ERCC2: variants seen among roughly 807,000 people sequenced by gnomAD.
ERCC2 encodes general transcription and DNA repair factor IIH helicase subunit XPD.
A neutral mutation model predicts 99.4 loss-of-function variants in ERCC2; 90 were observed. The observed-to-expected ratio is 0.91, with a 90% confidence interval of 0.76 to 1.08. The LOEUF (loss-of-function observed/expected upper bound fraction) is 1.08, where lower values mean the gene tolerates loss of function less well. Ranked by LOEUF, ERCC2 falls within the 50% of genes least tolerant of loss-of-function variation. The pLI, the probability that ERCC2 is intolerant of heterozygous loss-of-function variation, is 0.00. For missense variants in ERCC2, 993 were observed against 1,038.1 expected (o/e 0.96, Z 0.60); for synonymous variants, 497 against 432.4 (o/e 1.15, Z -1.85).
rs768501003 is a variant in ERCC2, at chr19:45,351,238, C to T, written c.*391G>A. ...ACCTGGAGCTGGAGGGTGGATGTAA[C>T]ACTTGCCCCTCACCTCCCCTCCAAC... On this transcript the variant is annotated 3_prime_UTR_variant, in exon 23 of 23. Transcript: ENST00000391945. The T allele has an allele frequency of 2.5e-6, 4 of 1,585,110 alleles. No individual in the cohort carries two copies. Among genetic ancestry groups the T allele is most frequent in the South Asian group, 2.3e-5 (2 of 88,568 alleles).
At position 45,351,713 on chromosome 19, in the gene ERCC2, C is replaced by A; in HGVS notation, c.2199G>T (p.Gln733His). 6.2e-7 allele frequency: 1 copy of A among 1,613,814 alleles called. No individual in the cohort carries two copies. The highest frequency in any genetic ancestry group is 1.1e-5 in the South Asian group (1 of 91,084). Residue 733 changes from glutamine (Q) to histidine (H), a missense_variant, in exon 23 of 23, where the codon CAG becomes CAT. Gln to His is a conservative substitution (Grantham distance 24). Around this residue, in one of 3 missense-constraint regions of ERCC2, gnomAD observed 909 missense variants for 930.8 expected, o/e 0.98. Transcript: ENST00000391945. Reference sequence around the variant, plus strand: ...CCAGGCTGAGCAGGGACAGGCCCAGCTGATCCTCCTGCAGAGAACAGAGGA... The same window carrying A: ...CCAGGCTGAGCAGGGACAGGCCCAGATGATCCTCCTGCAGAGAACAGAGGA... ...QMAQPFHRED[Q>H]LGLSLLSLEQ... is the part of the protein sequence containing the mutation.
chr19:45,356,564 C>T (rs138501869), intron 15 of ERCC2, among the ~76,000 whole-genome samples: 194 of 152,322 alleles, frequency 1.3e-3, no homozygotes, highest in African/African-American at 4.3e-3. Context: ...AATCCCAGCA[C>T]TTCGGGAGGA....
chr19:45,355,532 C>G, intron 16 of ERCC2, 133 bp downstream of exon 16: 3 of 859,030 alleles, frequency 3.5e-6, no homozygotes, highest in Non-Finnish European at 5.9e-6. Flanking sequence ...GGACGTGTAC[C>G]ACGGGCAAGA....
At chr19:45,367,169 T>G (rs907177913) in intron 5 of ERCC2, among the ~76,000 whole-genome samples, 31 of 152,028 alleles carry the variant, frequency 2.0e-4, no homozygotes, top group African/African-American at 7.0e-4. Flanking sequence ...AAACACCGTC[T>G]CTACTAAAAA....
At chr19:45,366,250 C>T (rs1443408753) in intron 5 of ERCC2, among the ~76,000 whole-genome samples, 1 of 151,882 alleles carries the variant, frequency 6.6e-6, no homozygotes, top group Non-Finnish European at 1.5e-5. Context: ...TCAAGCGATT[C>T]TCCTGTCTCA....
At position 45,368,925 on chromosome 19, in the gene ERCC2, C is replaced by T; in HGVS notation, c.246+5G>A. 6.2e-7 allele frequency: 1 copy of T among 1,614,186 alleles called. No homozygotes were observed. Among genetic ancestry groups the T allele is most frequent in the Non-Finnish European group, 8.5e-7 (1 of 1,179,996 alleles). ...GCTGGAGCACCAGGATGAGTCCCAG[C>T]TTACCTTCTCAATCTCTGGCACAGT... On this transcript the variant is annotated splice_donor_5th_base_variant and intron_variant, in intron 4 of 22. Transcript: ENST00000391945.
Position 45,353,302 on chromosome 19 carries a change from C to T in ERCC2, c.1698G>A (p.Leu566=), listed in dbSNP as rs775843300. 38 of 1,613,954 alleles carry T rather than the reference C, an allele frequency of 2.4e-5. No homozygotes were observed. The South Asian group carries it at 2.6e-4, about 11-fold the overall frequency. Residue 566 remains leucine, a synonymous_variant, in exon 18 of 23, where the codon CTG becomes CTA. Coordinates refer to ENST00000391945, the MANE Select transcript of ERCC2 (RefSeq NM_000400.4). ...CACCATCCTGGGTCTCAATAAAGAG[C>T]AGCTTGTTCCTCTGGATGTTCTCAA... ...GILENIQRNK[L]LFIETQDGAE...
rs2123285997 is a variant in ERCC2, at chr19:45,363,850, C to T, written c.1011G>A (p.Leu337=). ...CACGCAGCCGCCACTTCACGTACTC[C>T]AGCAGCCGCCTCAGGAAGCCCAGGA... The part of the protein sequence containing the change: ...EHFLGFLRRL[L]EYVKWRLRVQ... The change falls in exon 11 of 23, where the codon CTG becomes CTA. Residue 337 remains leucine, a synonymous_variant. Coordinates refer to ENST00000391945, the MANE Select transcript of ERCC2 (RefSeq NM_000400.4). 6.5e-7 allele frequency: 1 copy of T among 1,549,574 alleles called. No individual in the cohort carries two copies.
intron 11 of ERCC2, among the ~76,000 whole-genome samples, chr19:45,362,106 A>G (rs1440979694): frequency 6.6e-6 from 1 of 151,898 alleles, no homozygotes; most frequent in Non-Finnish European, 1.5e-5. Context: ...TTGTACTTTT[A>G]GTAGAGACGG....
chr19:45,351,119 G>GTGGGT lies in ERCC2; in HGVS notation c.*505_*509dup. The GTGGGT allele has an allele frequency of 6.2e-7, 1 of 1,606,390 alleles. No homozygotes were observed. The highest frequency in any genetic ancestry group is 2.2e-5 in the East Asian group (1 of 44,766). On this transcript the variant is annotated 3_prime_UTR_variant, in exon 23 of 23. Transcript: ENST00000391945. ...GGGCCAGTGGTGGAGTCAGCAGGTGGTGGGTTGGTGTCAGAAGAGACCCAG... is the reference window on the plus strand; with the variant it reads ...GGGCCAGTGGTGGAGTCAGCAGGTGGTGGGTTGGGTTGGTGTCAGAAGAGACCCAG...
intron 21 of ERCC2, 58 bp downstream of exon 21, chr19:45,352,448 A>AC (rs1971840560): frequency 1.2e-6 from 2 of 1,613,898 alleles, no homozygotes; most frequent in South Asian, 2.2e-5. Context: ...AATGAACGGG[A>AC]AACAGCCTGG....
intron 16 of ERCC2, among the ~76,000 whole-genome samples, chr19:45,355,417 G>A (rs1397049888): frequency 1.3e-5 from 2 of 152,214 alleles, no homozygotes; most frequent in African/African-American, 2.4e-5. Flanking sequence ...ACAATACACT[G>A]TGACCACTGT....
Position 45,351,473 on chromosome 19 carries a change from G to A in ERCC2, c.*156C>T, listed in dbSNP as rs898573306. On this transcript the variant is annotated 3_prime_UTR_variant, in exon 23 of 23. Coordinates refer to ENST00000391945, the MANE Select transcript of ERCC2 (RefSeq NM_000400.4). ...CCCCCCTTGCCTCTGGGTACCTGGT[G>A]GATAGCTGCCTTCTCCTGCGATTAA... 7.6e-6 allele frequency: 12 copies of A among 1,585,418 alleles called. No individual in the cohort carries two copies. The highest frequency in any genetic ancestry group is 1.7e-5 in the Admixed American group (1 of 59,154).
In ERCC2 at chr19:45,349,973, G is replaced by A. The variant is rs776325242; in HGVS notation, c.*1656C>T. ...TTGCGTGTGGGAAGACTGAGGCACC[G>A]AGGCCATGCCACCAGCCCAAAGTAC... is the stretch of plus-strand genomic sequence containing the variant. On this transcript the variant is annotated 3_prime_UTR_variant, in exon 23 of 23. Transcript: ENST00000391945. 9 of 415,356 alleles carry A rather than the reference G, an allele frequency of 2.2e-5. No individual in the cohort carries two copies. Among genetic ancestry groups the A allele is most frequent in the Middle Eastern group, 6.3e-4 (1 of 1,576 alleles). The allele number at this position is 415,356 out of a possible 1,614,324, so 25.7% of individuals were successfully genotyped here.
At position 45,364,916 on chromosome 19, in the gene ERCC2, A is replaced by G; in HGVS notation, c.516T>C (p.Ala172=). 6.2e-7 allele frequency: 1 copy of G among 1,614,172 alleles called. No individual in the cohort carries two copies. The highest frequency in any genetic ancestry group is 1.3e-5 in the African/African-American group (1 of 75,060). The change falls in exon 7 of 23, where the codon GCT becomes GCC. Residue 172 remains alanine, a synonymous_variant. Coordinates refer to ENST00000391945, the MANE Select transcript of ERCC2 (RefSeq NM_000400.4). Reference sequence around the variant, plus strand: ...TCAGGTCATCCAGGTTGTAGATGCCAGCGGGGAGGGGCACCTCACGCCCAT... The same window carrying G: ...TCAGGTCATCCAGGTTGTAGATGCCGGCGGGGAGGGGCACCTCACGCCCAT... ...DAHGREVPLP[A]GIYNLDDLKA... is the part of the protein sequence containing the mutation.
rs758510144 is a variant in ERCC2, at chr19:45,355,723, G to A, written c.1485C>T (p.Ile495=). ...LARVCLCPMI[I]GRGNDQVAIS... is the part of the protein sequence containing the mutation. ...TGGCCACCTGGTCATTGCCACGGCC[G>A]ATGATCTGGAGAGCAACAGAGGTCA... Residue 495 remains isoleucine (I), a synonymous_variant, in exon 16 of 23, where the codon ATC becomes ATT. Transcript: ENST00000391945. The A allele has an allele frequency of 5.9e-5, 95 of 1,613,944 alleles. No homozygotes were observed. Among genetic ancestry groups the A allele is most frequent in the South Asian group, 3.5e-4 (32 of 91,062 alleles).
chr19:45,363,863 A>G lies in ERCC2; in HGVS notation c.998T>C (p.Leu333Pro). ...IRTAEHFLGF[L>P]RRLLEYVKWR... is the part of the protein sequence containing the mutation. ...CTTCACGTACTCCAGCAGCCGCCTCAGGAAGCCCAGGAAATGCTCGGCCGT... is the reference window on the plus strand; with the variant it reads ...CTTCACGTACTCCAGCAGCCGCCTCGGGAAGCCCAGGAAATGCTCGGCCGT... The change falls in exon 11 of 23, where the codon CTG becomes CCG. Residue 333 changes from leucine to proline, a missense_variant. Physicochemically the swap from Leu to Pro is moderately conservative, Grantham distance 98. Coordinates refer to ENST00000391945, the MANE Select transcript of ERCC2 (RefSeq NM_000400.4). 2 of 1,551,980 alleles carry G rather than the reference A, an allele frequency of 1.3e-6. No individual in the cohort carries two copies. Among genetic ancestry groups the G allele is most frequent in the East Asian group, 2.4e-5 (1 of 41,910 alleles).
In ERCC2 at chr19:45,350,244, A is replaced by G. The variant is rs1971661654; in HGVS notation, c.*1385T>C. The G allele has an allele frequency of 2.3e-6, 2 of 876,444 alleles. No homozygotes were observed. Among genetic ancestry groups the G allele is most frequent in the South Asian group, 1.6e-5 (1 of 64,228 alleles). The allele number at this position is 876,444 out of a possible 1,614,324, so 54.3% of individuals were successfully genotyped here. ...CAAGACCAGCCTGGGCAACATACCA[A>G]GACCCCTGTCTCTACAAAAAAAAAA... On this transcript the variant is annotated 3_prime_UTR_variant, in exon 23 of 23. Coordinates refer to ENST00000391945, the MANE Select transcript of ERCC2 (RefSeq NM_000400.4).
rs369933955 is a variant in ERCC2 at position 45,364,114 on chromosome 19, T to C, written c.821A>G (p.Lys274Arg). The change falls in exon 10 of 23, where the codon AAA (lysine) becomes AGA (arginine). Residue 274 changes from lysine (K) to arginine (R), a missense_variant. This residue lies in a region of ERCC2 where 909 missense variants were observed against 930.8 expected (regional missense o/e 0.98). Transcript: ENST00000391945. ...CCGCAGGCGCTGCTCGTCTGTCTCTTTGATCCTGCGGAGAGATGAGCTGGG... is the reference window on the plus strand; with the variant it reads ...CCGCAGGCGCTGCTCGTCTGTCTCTCTGATCCTGCGGAGAGATGAGCTGGG... ...ETLQKTVLRI[K>R]ETDEQRLRDE... The C allele has an allele frequency of 3.1e-6, 5 of 1,611,198 alleles. No individual in the cohort carries two copies. In the Admixed American group the frequency reaches 5.0e-5, roughly 16 times the overall value.
Sources: gnomAD v4.1 joint callset for allele counts (sites outside exome capture counted in the v4.1 genomes callset) on GRCh38, gnomAD v4.1.1 for gene constraint, gnomAD v4.1.1 regional missense constraint, MANE v1.5 for transcripts, NCBI Gene and HGNC (gene_info 2026-07-23, HGNC 2026-07-21) for gene names.